NELL1: variants seen among roughly 807,000 people sequenced by gnomAD.
NELL1 encodes neural EGFL like 1.
NELL1 carries 76 observed loss-of-function variants against 107.4 expected under a neutral mutation model. The observed-to-expected ratio is 0.71, with a 90% CI of 0.59 to 0.86. The LOEUF (loss-of-function observed/expected upper bound fraction) is 0.86. Ranked by LOEUF, NELL1 falls within the 40% of genes least tolerant of loss-of-function variation. NELL1 has a pLI of 0.00. For missense variants in NELL1, 1,024 were observed against 1,005.5 expected (o/e 1.02, Z -0.25); for synonymous variants, 353 against 341.2 (o/e 1.03, Z -0.38).
At chr11:21,121,942 T>C (rs1260984113) in intron 13 of NELL1, among the ~76,000 whole-genome samples, 1 of 152,184 alleles carries the variant, frequency 6.6e-6, no homozygotes. Flanking sequence ...GTTAAAATAA[T>C]GTTAGGGTTT....
At chr11:21,444,098 C>A (rs937293583) in intron 15 of NELL1, among the ~76,000 whole-genome samples, 3 of 151,976 alleles carry the variant, frequency 2.0e-5, no homozygotes, top group African/African-American at 4.8e-5. Flanking sequence ...TACATTGACA[C>A]CACATTTTAA....
At chr11:21,085,140 T>G (rs1854359876) in intron 12 of NELL1, among the ~76,000 whole-genome samples, 1 of 152,240 alleles carries the variant, frequency 6.6e-6, no homozygotes, top group Non-Finnish European at 1.5e-5. Context: ...CATCTAAATA[T>G]TTATTGAGTA....
intron 15 of NELL1, among the ~76,000 whole-genome samples, chr11:21,529,916 G>A (rs1855953306): frequency 6.6e-6 from 1 of 152,062 alleles, no homozygotes; most frequent in South Asian, 2.1e-4. Flanking sequence ...ATAATTATTA[G>A]TGCATTATTA....
chr11:20,751,055 G>GTA (rs1020840854), intron 2 of NELL1, among the ~76,000 whole-genome samples: 6 of 151,948 alleles, frequency 3.9e-5, no homozygotes, highest in African/African-American at 1.2e-4. Flanking sequence ...GTGTGTGTGT[G>GTA]TATATATGAA....
chr11:20,961,965 G>GT (rs1209937447), intron 12 of NELL1, among the ~76,000 whole-genome samples: 4 of 151,676 alleles, frequency 2.6e-5, no homozygotes, highest in Non-Finnish European at 5.9e-5. Flanking sequence ...GGAACCCTCT[G>GT]TTTTTTTCAT....
chr11:20,879,861 A>G (rs932668223), intron 4 of NELL1, among the ~76,000 whole-genome samples: 17 of 152,370 alleles, frequency 1.1e-4, no homozygotes, highest in Admixed American at 5.2e-4. Context: ...AAAGCTGAAA[A>G]AAATGATACT....
At chr11:21,076,456 T>G (rs932573544) in intron 12 of NELL1, among the ~76,000 whole-genome samples, 1 of 152,230 alleles carries the variant, frequency 6.6e-6, no homozygotes, top group Non-Finnish European at 1.5e-5. Flanking sequence ...TGGCTTTTCA[T>G]TGGCTGAATT....
chr11:21,458,918 CAATATT>C (rs1853822622), intron 15 of NELL1, among the ~76,000 whole-genome samples: 1 of 106,938 alleles, frequency 9.4e-6, no homozygotes, highest in African/African-American at 2.8e-5. Flanking sequence ...CAGGAACTCA[CAATATT>C]AATATTTAGA....
At chr11:21,354,529 G>C (rs570220772) in intron 14 of NELL1, among the ~76,000 whole-genome samples, 1 of 152,182 alleles carries the variant, frequency 6.6e-6, no homozygotes, top group Admixed American at 6.5e-5. Flanking sequence ...AACTTTCTCC[G>C]GGCTAGCTAT....
intron 11 of NELL1, among the ~76,000 whole-genome samples, chr11:20,949,004 G>A (rs1050359240): frequency 3.9e-5 from 6 of 151,908 alleles, no homozygotes; most frequent in Admixed American, 3.9e-4. Context: ...TCTTTATAAA[G>A]GGTTACAAAA....
At chr11:21,054,333 T>C (rs1001090027) in intron 12 of NELL1, among the ~76,000 whole-genome samples, 2 of 152,182 alleles carry the variant, frequency 1.3e-5, no homozygotes, top group Admixed American at 1.3e-4. Flanking sequence ...TTTAATGATT[T>C]CTTGCATTCT....
chr11:21,050,201 T>G (rs1034703031), intron 12 of NELL1, among the ~76,000 whole-genome samples: 1 of 152,140 alleles, frequency 6.6e-6, no homozygotes, highest in Admixed American at 6.6e-5. Context: ...ATATGTATGG[T>G]TTTATTTAGC....
chr11:21,275,695 A>G (rs1848839785), intron 14 of NELL1, among the ~76,000 whole-genome samples: 1 of 152,352 alleles, frequency 6.6e-6, no homozygotes, highest in Middle Eastern at 3.4e-3. Context: ...CAAGAAGCTT[A>G]TTCAATATGA....
intron 2 of NELL1, among the ~76,000 whole-genome samples, chr11:20,755,550 G>GTTTTT (rs1226891368): frequency 1.3e-4 from 15 of 114,568 alleles, no homozygotes; most frequent in African/African-American, 6.2e-4. Flanking sequence ...GTTTTTTTTT[G>GTTTTT]TTTTTGTTTT....
intron 12 of NELL1, among the ~76,000 whole-genome samples, chr11:21,107,436 G>A (rs1176376366): frequency 2.0e-5 from 3 of 152,090 alleles, no homozygotes; most frequent in African/African-American, 7.2e-5. Flanking sequence ...AAAGTCAGTA[G>A]GTTCAAGTCT....
intron 2 of NELL1, among the ~76,000 whole-genome samples, chr11:20,721,958 CAGCTCTGCCACTTAGT>C (rs1308130592): frequency 6.6e-6 from 1 of 151,518 alleles, no homozygotes; most frequent in Non-Finnish European, 1.5e-5. Flanking sequence ...CTTCAAGTTG[CAGCTCTGCCACTTAGT>C]AGCTGTGTAA....
At chr11:20,805,094 G>A (rs1441990344) in intron 3 of NELL1, among the ~76,000 whole-genome samples, 1 of 151,988 alleles carries the variant, frequency 6.6e-6, no homozygotes, top group Non-Finnish European at 1.5e-5. Context: ...AGCTGCTCCT[G>A]TTCTTTTCTG....
chr11:21,411,868 T>G (rs561739714), intron 15 of NELL1, among the ~76,000 whole-genome samples: 1 of 152,194 alleles, frequency 6.6e-6, no homozygotes, highest in South Asian at 2.1e-4. Flanking sequence ...GTTAGGACTT[T>G]AAGTGTTGGC....
chr11:20,861,506 G>A (rs1167995023), intron 4 of NELL1, among the ~76,000 whole-genome samples: 4 of 152,136 alleles, frequency 2.6e-5, no homozygotes, highest in African/African-American at 9.7e-5. Context: ...TCACACAGCA[G>A]TGACTATAGA....
Sources: allele counts gnomAD v4.1 joint callset (sites outside exome capture counted in the v4.1 genomes callset), GRCh38; gene constraint gnomAD v4.1.1; transcripts MANE v1.5; gene names NCBI Gene and HGNC (gene_info 2026-07-23, HGNC 2026-07-21).